The following RPS6KC1 variants were observed in gnomAD, a reference collection of about 807,000 sequenced individuals.
The protein encoded by RPS6KC1 is inactive ribosomal protein S6 kinase delta-1.
In RPS6KC1, 54 loss-of-function variants were observed where a neutral mutation model predicts 103.8. The ratio of observed to expected loss-of-function variants is 0.52; its 90% CI spans 0.42 to 0.65. The LOEUF is 0.65. RPS6KC1 is among the 30% of genes least tolerant of loss of function. The pLI is 0.00. For synonymous variants in RPS6KC1, 439 were observed against 438.7 expected (o/e 1.00, Z -0.01); for missense variants, 1,151 against 1,253.8 (o/e 0.92, Z 1.24).
At chr1:213,683,564 A>AAACCC in the RPS6KC1 span, among the ~76,000 whole-genome samples, 1 of 152,138 alleles carries the variant, frequency 6.6e-6, no homozygotes. Context: ...CTGCAGGTAT[A>AAACCC]AACCCAGCAA....
At chr1:213,119,564 A>G (rs980492163) in intron 5 of RPS6KC1, among the ~76,000 whole-genome samples, 1 of 148,412 alleles carries the variant, frequency 6.7e-6, no homozygotes, top group African/African-American at 2.5e-5. Context: ...TATTTTTTTG[A>G]TACAAGAATC....
At chr1:213,363,815 T>TCC in the RPS6KC1 span, among the ~76,000 whole-genome samples, 3 of 69,560 alleles carry the variant, frequency 4.3e-5, no homozygotes, top group African/African-American at 2.7e-4. Flanking sequence ...TCTTTCTTTC[T>TCC]TCTCTCTTTT....
At chr1:213,638,178 GC>G in the RPS6KC1 span, among the ~76,000 whole-genome samples, 5 of 151,966 alleles carry the variant, frequency 3.3e-5, no homozygotes, top group African/African-American at 2.4e-5. Context: ...TCTTTTATTT[GC>G]CCTATAGGTA....
chr1:213,165,205 G>A (rs2148135078), intron 6 of RPS6KC1, among the ~76,000 whole-genome samples: 1 of 152,130 alleles, frequency 6.6e-6, no homozygotes, highest in East Asian at 1.9e-4. Context: ...CTCCTTTTAA[G>A]GGATTGATAA....
intron 8 of RPS6KC1, among the ~76,000 whole-genome samples, chr1:213,180,780 G>A (rs145449102): frequency 6.6e-6 from 1 of 152,140 alleles, no homozygotes; most frequent in African/African-American, 2.4e-5. Context: ...TATACGGGAT[G>A]TGCTTATATT....
At chr1:213,095,455 A>G (rs1572491428) in intron 3 of RPS6KC1, among the ~76,000 whole-genome samples, 1 of 152,244 alleles carries the variant, frequency 6.6e-6, no homozygotes, top group East Asian at 1.9e-4. Context: ...CATAGGGAAG[A>G]TACCAAAGAC....
Position 213,060,047 on chromosome 1 carries a change from G to A in RPS6KC1, c.105+8538G>A, listed in dbSNP as rs1572253378. On this transcript the variant is annotated intron_variant, in intron 1 of 14. Coordinates refer to ENST00000366960, the MANE Select transcript of RPS6KC1 (RefSeq NM_012424.6). ...TGGCCAGGCTGGTCTCTAACTCCTG[G>A]CCTCAGGTGATCCGCCCACCTCAGC... Among the ~76,000 whole-genome samples the A allele has an allele frequency of 1.3e-5, 2 of 151,996 alleles. 1 individual carries two copies. Among genetic ancestry groups the A allele is most frequent in the Admixed American group, 1.3e-4 (2 of 15,238 alleles).
the RPS6KC1 span, among the ~76,000 whole-genome samples, chr1:213,587,623 A>AGAT: frequency 6.6e-6 from 1 of 152,356 alleles, no homozygotes; most frequent in Middle Eastern, 3.4e-3. Context: ...AAAGCAGCTG[A>AGAT]GATTTTGATT....
the RPS6KC1 span, among the ~76,000 whole-genome samples, chr1:213,836,228 T>C: frequency 6.6e-6 from 1 of 151,676 alleles, no homozygotes; most frequent in Admixed American, 6.6e-5. Context: ...AGGCCTATCT[T>C]ACACAATTGG....
chr1:213,762,074 G>T, the RPS6KC1 span, among the ~76,000 whole-genome samples: 1 of 152,022 alleles, frequency 6.6e-6, no homozygotes, highest in Non-Finnish European at 1.5e-5. Context: ...AAGAAAGAGG[G>T]AAAGGGAGAG....
chr1:213,460,851 T>C, the RPS6KC1 span, among the ~76,000 whole-genome samples: 1 of 152,196 alleles, frequency 6.6e-6, no homozygotes, highest in Admixed American at 6.5e-5. Context: ...CTTATGAAGC[T>C]TAGTTTGGCT....
chr1:213,460,121 CAA>C, the RPS6KC1 span, among the ~76,000 whole-genome samples: 1 of 152,146 alleles, frequency 6.6e-6, no homozygotes, highest in Non-Finnish European at 1.5e-5. Context: ...GAGCTGAGTT[CAA>C]GTCTTGAATA....
the RPS6KC1 span, among the ~76,000 whole-genome samples, chr1:213,626,033 C>T: frequency 0.69 from 104,188 of 152,008 alleles, 36,042 homozygotes; most frequent in African/African-American, 0.8. Flanking sequence ...TGAAGTAGTT[C>T]ACAGTCCCAC....
chr1:213,431,901 G>T, the RPS6KC1 span, among the ~76,000 whole-genome samples: 1 of 152,064 alleles, frequency 6.6e-6, no homozygotes. Context: ...GTTTCAGAGT[G>T]GTTGTACCAG....
At chr1:213,208,165 A>G (rs1342636712) in intron 8 of RPS6KC1, among the ~76,000 whole-genome samples, 1 of 152,212 alleles carries the variant, frequency 6.6e-6, no homozygotes, top group Non-Finnish European at 1.5e-5. Context: ...ATATCTCTCA[A>G]GTACAAACAC....
the RPS6KC1 span, among the ~76,000 whole-genome samples, chr1:213,352,226 C>T: frequency 6.6e-6 from 1 of 152,058 alleles, no homozygotes; most frequent in Non-Finnish European, 1.5e-5. Context: ...ATGAGCAAAA[C>T]AGAATGTGCA....
At chr1:213,646,134 T>A in the RPS6KC1 span, among the ~76,000 whole-genome samples, 1 of 152,094 alleles carries the variant, frequency 6.6e-6, no homozygotes, top group Non-Finnish European at 1.5e-5. Flanking sequence ...TAACTTGTGG[T>A]AAACATTAAG....
chr1:213,739,506 A>C, the RPS6KC1 span, among the ~76,000 whole-genome samples: 5 of 151,962 alleles, frequency 3.3e-5, no homozygotes, highest in Admixed American at 6.6e-5. Flanking sequence ...CAAAGAATTA[A>C]TACAAGAGAA....
the RPS6KC1 span, among the ~76,000 whole-genome samples, chr1:213,299,452 T>A: frequency 6.7e-6 from 1 of 149,630 alleles, no homozygotes; most frequent in Non-Finnish European, 1.5e-5. Context: ...CTTGGGAGGC[T>A]GAGGCAGGAG....
Sources: gnomAD v4.1 joint callset for allele counts (sites outside exome capture counted in the v4.1 genomes callset) on GRCh38, gnomAD v4.1.1 for gene constraint, MANE v1.5 for transcripts, NCBI Gene and HGNC (gene_info 2026-07-23, HGNC 2026-07-21) for gene names.